The following AP4B1 variants were observed in gnomAD, a reference collection of about 807,000 sequenced individuals.
AP4B1 encodes the protein AP-4 complex subunit beta-1.
Under a neutral mutation model 76.5 loss-of-function variants are expected in AP4B1, and 49 were observed. That is an observed-to-expected ratio of 0.64 (90% confidence interval 0.51 to 0.81). AP4B1 has a LOEUF of 0.81. Among genes scored for constraint, AP4B1 ranks in the 40% least tolerant of loss-of-function variants. The probability of loss-of-function intolerance (pLI) is 0.00; values close to 1 mark genes in which losing one functional copy is unlikely to be tolerated. For missense variants in AP4B1, 911 were observed against 904.9 expected, an observed-to-expected ratio of 1.01 and a Z score of -0.09; for synonymous variants, 330 against 333.3, an observed-to-expected ratio of 0.99 and a Z score of 0.11.
At position 113,901,389 on chromosome 1, in the gene AP4B1, A is replaced by C. The variant is rs372267004; in HGVS notation, c.470-6T>G. 1.2e-6 allele frequency: 2 copies of C among 1,613,674 alleles called. No individual in the cohort carries two copies. Among genetic ancestry groups the C allele is most frequent in the Admixed American group, 1.7e-5 (1 of 60,008 alleles). On this transcript the variant is annotated splice_region_variant and splice_polypyrimidine_tract_variant and intron_variant, in intron 3 of 9. Transcript: ENST00000369569. ...TTCATTTACCAGGGCACCATCTATA[A>C]AAAAGAACAAAGTTCTTAGATAAAG...
At position 113,902,820 on chromosome 1, in the gene AP4B1, T is replaced by C. The variant is rs747825860; in HGVS notation, c.156A>G (p.Glu52=). 3 of 1,614,132 alleles carry C rather than the reference T, an allele frequency of 1.9e-6. No individual in the cohort carries two copies. The highest frequency in any genetic ancestry group is 2.5e-6 in the Non-Finnish European group (3 of 1,180,024). The change falls in exon 2 of 10, where the codon GAA becomes GAG. Residue 52 remains glutamate, a synonymous_variant. Transcript: ENST00000369569. ...QGLDMSGVFM[E]MVKASATVDI... ...CTACAGTGGCACTGGCCTTCACCAT[T>C]TCCATAAAAACACCAGACATGTCCA...
rs747121733 is a variant in AP4B1 at position 113,902,593 on chromosome 1, G to T, written c.338+45C>A. 7.6e-6 allele frequency: 12 copies of T among 1,577,286 alleles called. No homozygotes were observed. In the South Asian group the frequency reaches 1.3e-4, roughly 17 times the overall value. ...TTAAAAACCTACCCTGTGATCACTT[G>T]AATTCATCAGCCATTTAGGACCAGA... On this transcript the variant is annotated intron_variant, in intron 2 of 9. Transcript: ENST00000369569.
chr1:113,896,375 T>G lies in AP4B1; in HGVS notation c.1393A>C (p.Lys465Gln), dbSNP rs1571535459. The G allele has an allele frequency of 6.2e-7, 1 of 1,614,224 alleles. No homozygotes were observed. The highest frequency in any genetic ancestry group is 2.2e-5 in the East Asian group (1 of 44,878). The change falls in exon 8 of 10, where the codon AAG (lysine) becomes CAG (glutamine). Residue 465 changes from lysine (K) to glutamine (Q), a missense_variant. Lys to Gln is a moderately conservative substitution (Grantham distance 53, BLOSUM62 1). Coordinates refer to ENST00000369569, the MANE Select transcript of AP4B1 (RefSeq NM_001253852.3). ...YVLEDFVENV[K>Q]SETFPAVKME... ...TTAACAGCTGGAAATGTTTCCGACT[T>G]CACATTCTCAACAAAGTCCTCTAAC...
intron 5 of AP4B1, 195 bp from the exon 6 acceptor site, chr1:113,898,996 C>A (rs1477206598): frequency 2.0e-6 from 2 of 1,024,280 alleles, no homozygotes; most frequent in African/African-American, 1.6e-5. Flanking sequence ...ATCATTTTTT[C>A]TCACTGACTA....
intron 1 of AP4B1, 65 bp downstream of exon 1, chr1:113,904,540 G>T: frequency 2.1e-6 from 3 of 1,448,378 alleles, no homozygotes; most frequent in South Asian, 1.1e-5. Context: ...GAGAGACTGG[G>T]GCTAGTGAGC....
chr1:113,899,193 C>T, intron 5 of AP4B1: 1 of 1,043,874 alleles, frequency 9.6e-7, no homozygotes, highest in Non-Finnish European at 1.2e-6. Context: ...CTCCTCTTTG[C>T]TCCCTCTTCT....
Position 113,900,238 on chromosome 1 carries a change from C to T in AP4B1, c.780G>A (p.Leu260=). The T allele has an allele frequency of 6.2e-7, 1 of 1,608,208 alleles. No individual in the cohort carries two copies. Residue 260 remains leucine (L), a synonymous_variant, in exon 5 of 10, where the codon CTG becomes CTA. Transcript: ENST00000369569. The part of the protein sequence containing the change: ...GVVMGATKLF[L]ILAKMFPHVQ... ...CGTGGGGAAACATTTTTGCCAAGAT[C>T]AGAAAAAGTTTGGTAGCTCCCATCA...
At chr1:113,898,895 G>T in intron 5 of AP4B1, 94 bp from the exon 6 acceptor site, 36 of 860,120 alleles carry the variant, frequency 4.2e-5, no homozygotes, top group East Asian at 1.2e-4. Context: ...AAAAGAAACA[G>T]AATTATCTAA....
chr1:113,900,130 A>C lies in AP4B1; in HGVS notation c.888T>G (p.Ala296=). The change falls in exon 5 of 10, where the codon GCT becomes GCG. Residue 296 remains alanine (A), a synonymous_variant. Coordinates refer to ENST00000369569, the MANE Select transcript of AP4B1 (RefSeq NM_001253852.3). ...GCAAGATCTGGCGTACATGACAAAG[A>C]GCAACAAAACAGAGCTCACGGCTCT... ...SSESRELCFV[A]LCHVRQILHS... is the part of the protein sequence containing the mutation. 2.5e-6 allele frequency: 4 copies of C among 1,614,238 alleles called. No individual in the cohort carries two copies. Among genetic ancestry groups the C allele is most frequent in the Non-Finnish European group, 3.4e-6 (4 of 1,180,046 alleles).
intron 2 of AP4B1, 119 bp from the exon 3 acceptor site, chr1:113,902,004 G>A: frequency 7.8e-7 from 1 of 1,288,942 alleles, no homozygotes; most frequent in Non-Finnish European, 1.1e-6. Flanking sequence ...ATGAAGAATT[G>A]CAGAAAGCCT....
At chr1:113,902,072 G>A in intron 2 of AP4B1, 187 bp from the exon 3 acceptor site, 1 of 733,664 alleles carries the variant, frequency 1.4e-6, no homozygotes, top group East Asian at 2.9e-5. Context: ...TTTTTTTCAA[G>A]ATGGGGTCTC....
At position 113,900,180 on chromosome 1, in the gene AP4B1, G is replaced by C. The variant is rs373681764; in HGVS notation, c.838C>G (p.Pro280Ala). ...QTDVLVRVKG[P>A]LLAACSSESR... is the part of the protein sequence containing the mutation. ...TCTGAAGAACAGGCAGCTAGCAAAG[G>C]TCCCTTGACCCGCACAAGGACATCA... Residue 280 changes from proline to alanine, a missense_variant, in exon 5 of 10, where the codon CCT (proline) becomes GCT (alanine). Physicochemically the swap from Pro to Ala is conservative, Grantham distance 27. Transcript: ENST00000369569. 6.8e-6 allele frequency: 11 copies of C among 1,614,168 alleles called. No individual in the cohort carries two copies. In the Admixed American group the frequency reaches 1.7e-4, roughly 24 times the overall value.
intron 5 of AP4B1, 171 bp downstream of exon 5, chr1:113,899,733 C>A (rs1667966589): frequency 9.3e-7 from 1 of 1,071,034 alleles, no homozygotes; most frequent in Non-Finnish European, 1.4e-6. Flanking sequence ...AAACAAAAAA[C>A]AAAAAAAAAC....
chr1:113,896,549 TTTC>T (rs1459925698), intron 7 of AP4B1, 84 bp from the exon 8 acceptor site: 1 of 1,327,812 alleles, frequency 7.5e-7, no homozygotes, highest in South Asian at 1.2e-5. Flanking sequence ...TGGTTTTGCT[TTTC>T]GCTTAGTGCC....
In AP4B1 at chr1:113,904,520, C is replaced by CCAGCGTG; in HGVS notation, c.113+84_113+85insCACGCTG. 28 of 1,287,270 alleles carry CCAGCGTG rather than the reference C, an allele frequency of 2.2e-5. 1 individual carries two copies. In the South Asian group the frequency reaches 3.2e-4, roughly 15 times the overall value. The allele number at this position is 1,287,270 out of a possible 1,614,324, so 79.7% of individuals were successfully genotyped here. ...TAACTGCCACGTGTGAAAGCTAATT[C>CCAGCGTG]ACCCTTTCAGAGAGACTGGGGCTAG... On this transcript the variant is annotated intron_variant, in intron 1 of 9. Coordinates refer to ENST00000369569, the MANE Select transcript of AP4B1 (RefSeq NM_001253852.3).
In AP4B1 at chr1:113,904,795, T is replaced by C. The variant is rs865997014; in HGVS notation, c.-78A>G. The C allele has an allele frequency of 6.5e-5, 79 of 1,213,166 alleles. No homozygotes were observed. The African/African-American group carries it at 9.1e-4, about 14-fold the overall frequency. 75.2% of individuals were successfully genotyped at this position (1,213,166 alleles called of 1,614,324 possible). A position where few individuals can be genotyped will look rare whatever the true frequency, so the allele number is the denominator to read the frequency against. On this transcript the variant is annotated 5_prime_UTR_variant, in exon 1 of 10. Coordinates refer to ENST00000369569, the MANE Select transcript of AP4B1 (RefSeq NM_001253852.3). ...TCCTTCTCGTCCTGATGTGGGAGCCTGAGTAAAGGAAATATGAGTCAGTGA... is the reference window on the plus strand; with the variant it reads ...TCCTTCTCGTCCTGATGTGGGAGCCCGAGTAAAGGAAATATGAGTCAGTGA...
rs1667392559 is a variant in AP4B1 at position 113,895,787 on chromosome 1, G to A, written c.1762C>T (p.Leu588Phe). 6.2e-7 allele frequency: 1 copy of A among 1,614,118 alleles called. No homozygotes were observed. Among genetic ancestry groups the A allele is most frequent in the South Asian group, 1.1e-5 (1 of 91,094 alleles). The part of the protein sequence containing the change: ...CQGAERCDPE[L>F]PKTSSFAASG... ...GCGGCAAAGGATGAAGTTTTAGGAA[G>A]CTCTGGGTCACAACGCTCTGCCCCC... Residue 588 changes from leucine to phenylalanine, a missense_variant, in exon 9 of 10, where the codon CTT becomes TTT. Physicochemically the swap from Leu to Phe is conservative, Grantham distance 22. Coordinates refer to ENST00000369569, the MANE Select transcript of AP4B1 (RefSeq NM_001253852.3).
In AP4B1 at chr1:113,894,973, G is replaced by T; in HGVS notation, c.*92C>A. On this transcript the variant is annotated 3_prime_UTR_variant, in exon 10 of 10. Transcript: ENST00000369569. ...AGATTTTCCACTCTCCTTTGTATCT[G>T]ATATTATCTGGACTTACTGGCAGCT... The T allele has an allele frequency of 7.4e-7, 1 of 1,348,954 alleles. No individual in the cohort carries two copies. Among genetic ancestry groups the T allele is most frequent in the Non-Finnish European group, 1.0e-6 (1 of 977,722 alleles). 83.6% of individuals were successfully genotyped at this position (1,348,954 alleles called of 1,614,324 possible).
intron 4 of AP4B1, chr1:113,901,028 A>T: frequency 1.6e-6 from 1 of 621,060 alleles, no homozygotes; most frequent in Non-Finnish European, 2.7e-6. Flanking sequence ...AATTGCTTGA[A>T]CCCAGGAGGC....
Sources: gnomAD v4.1 joint callset for allele counts on GRCh38, gnomAD v4.1.1 for gene constraint, MANE v1.5 for transcripts, NCBI Gene and HGNC (gene_info 2026-07-23, HGNC 2026-07-21) for gene names.